The following MTMR6 variants were observed in gnomAD, a reference collection of about 807,000 sequenced individuals.
MTMR6 encodes phosphatidylinositol-3,5-bisphosphate 3-phosphatase MTMR6.
A neutral mutation model predicts 80.1 loss-of-function variants in MTMR6; 47 were observed. The ratio of observed to expected loss-of-function variants is 0.59; its 90% CI spans 0.46 to 0.75. MTMR6 has a LOEUF of 0.75. Among genes scored for constraint, MTMR6 ranks in the 30% least tolerant of loss-of-function variants. MTMR6 has a pLI of 0.00. For missense variants in MTMR6, 629 were observed against 730.9 expected (o/e 0.86, Z 1.61); for synonymous variants, 254 against 253.0 (o/e 1.00, Z -0.04).
intron 1 of MTMR6, among the ~76,000 whole-genome samples, chr13:25,285,388 C>CT (rs1957933430): frequency 1.1e-5 from 1 of 91,654 alleles, no homozygotes; most frequent in African/African-American, 3.5e-5. Context: ...TATTCTTTTC[C>CT]GCCCCCCCCC....
chr13:25,271,584 C>A (rs768361214), intron 2 of MTMR6, among the ~76,000 whole-genome samples: 8 of 152,238 alleles, frequency 5.3e-5, no homozygotes, highest in South Asian at 2.1e-4. Context: ...ATGCCCAAGT[C>A]TCTTCCTCTC....
chr13:25,264,767 A>C (rs991389286), intron 5 of MTMR6, among the ~76,000 whole-genome samples: 1 of 150,510 alleles, frequency 6.6e-6, no homozygotes, highest in Non-Finnish European at 1.5e-5. Flanking sequence ...AAAAAAAAAA[A>C]AAAAAAAAGA....
At chr13:25,272,725 T>C (rs1012810717) in intron 2 of MTMR6, among the ~76,000 whole-genome samples, 3 of 152,186 alleles carry the variant, frequency 2.0e-5, no homozygotes, top group Non-Finnish European at 4.4e-5. Context: ...TGTTAATTCA[T>C]TTAGAATAAT....
At chr13:25,254,107 A>G (rs764233175) in intron 10 of MTMR6, 143 bp from the exon 11 acceptor site, 20 of 890,938 alleles carry the variant, frequency 2.2e-5, no homozygotes, top group Non-Finnish European at 3.2e-5. Context: ...GAAACCATTT[A>G]TGAGTTTTTA....
chr13:25,260,817 C>T, intron 6 of MTMR6: 1 of 351,194 alleles, frequency 2.8e-6, no homozygotes, highest in Middle Eastern at 8.0e-4. Flanking sequence ...GAAATTTGTC[C>T]CAATGATAAA....
At chr13:25,254,483 T>C (rs1308856976) in intron 9 of MTMR6, 49 bp from the exon 10 acceptor site, 5 of 1,194,970 alleles carry the variant, frequency 4.2e-6, no homozygotes, top group South Asian at 2.5e-5. Context: ...TCAATTATTT[T>C]GTTTAGGCTG....
chr13:25,256,789 A>G lies in MTMR6; in HGVS notation c.1095+407T>C, dbSNP rs141193999. Among the ~76,000 whole-genome samples the G allele has an allele frequency of 1.6e-3, 242 of 152,272 alleles. 1 individual carries two copies. The highest frequency in any genetic ancestry group is 5.7e-3 in the African/African-American group (238 of 41,560). ...TTTCCTTCAGAATTTAATTTTAAGT[A>G]CTCTTATTTGTGCATTGTTTTATTA... is the stretch of plus-strand genomic sequence containing the variant. On this transcript the variant is annotated intron_variant, in intron 9 of 13. Transcript: ENST00000381801.
intron 6 of MTMR6, chr13:25,260,690 A>AT: frequency 8.0e-7 from 1 of 1,252,278 alleles, no homozygotes; most frequent in Non-Finnish European, 1.0e-6. Context: ...ATGCGACGCT[A>AT]TAACAAAAAT....
chr13:25,258,821 G>T, intron 6 of MTMR6, 129 bp from the exon 7 acceptor site: 1 of 665,292 alleles, frequency 1.5e-6, no homozygotes, highest in Non-Finnish European at 2.3e-6. Context: ...AACTGAATAA[G>T]CTACCATTCA....
At chr13:25,276,771 T>TCTG (rs1208834052) in intron 1 of MTMR6, among the ~76,000 whole-genome samples, 1 of 152,226 alleles carries the variant, frequency 6.6e-6, no homozygotes. Flanking sequence ...GTTCACACTG[T>TCTG]CTGCTACACA....
In MTMR6 at chr13:25,251,627, T is replaced by A; in HGVS notation, c.1605+22A>T. 1 of 1,448,214 alleles carries A rather than the reference T, an allele frequency of 6.9e-7. No individual in the cohort carries two copies. Among genetic ancestry groups the A allele is most frequent in the Non-Finnish European group, 9.5e-7 (1 of 1,049,084 alleles). The allele number at this position is 1,448,214 out of a possible 1,614,324, so 89.7% of individuals were successfully genotyped here. On this transcript the variant is annotated intron_variant, in intron 13 of 13. Transcript: ENST00000381801. The surrounding 1 kb of genome is among the most constrained non-coding windows in gnomAD (Gnocchi z 4.1). Reference sequence around the variant, plus strand: ...AAACTAATTTCACATTCCAAATATATTAGATACTTCAGAATACTTACAGAT... The same window carrying A: ...AAACTAATTTCACATTCCAAATATAATAGATACTTCAGAATACTTACAGAT...
intron 1 of MTMR6, among the ~76,000 whole-genome samples, chr13:25,280,058 C>T (rs1957812127): frequency 6.6e-6 from 1 of 152,044 alleles, no homozygotes; most frequent in Non-Finnish European, 1.5e-5. Context: ...TAAGCTGTGA[C>T]AGAGAGGAAG....
chr13:25,258,113 A>T (rs1191541598), intron 7 of MTMR6, among the ~76,000 whole-genome samples: 1 of 152,244 alleles, frequency 6.6e-6, no homozygotes, highest in Non-Finnish European at 1.5e-5. Context: ...TTAATTTTTT[A>T]AATTCTATAC....
chr13:25,271,953 C>T (rs1957586899), intron 2 of MTMR6, among the ~76,000 whole-genome samples: 1 of 152,006 alleles, frequency 6.6e-6, no homozygotes, highest in Non-Finnish European at 1.5e-5. Context: ...AAGCTATAGT[C>T]AATAAAACAG....
rs1358556884 is a variant in MTMR6, at chr13:25,273,522, AG to A, written c.141+548del. ...ATTTTTAAAAATTAAAAGGAACAAT[AG>A]GATTTTTTTTTTTTTTTTTTGAGAC... On this transcript the variant is annotated intron_variant, in intron 2 of 13. Transcript: ENST00000381801. 2.4e-4 allele frequency among the ~76,000 whole-genome samples: 35 copies of A among 147,088 alleles called. No homozygotes were observed. In the East Asian group the frequency reaches 6.7e-3, roughly 28 times the overall value.
rs1342462620 is a variant in MTMR6, at chr13:25,246,756, A to G, written c.*2476T>C. Reference sequence around the variant, plus strand: ...TCCCTGCTCTGCTACCCGACCAAATAAATTGAATTTGTTTTAAAAGAGTTC... The same window carrying G: ...TCCCTGCTCTGCTACCCGACCAAATGAATTGAATTTGTTTTAAAAGAGTTC... On this transcript the variant is annotated 3_prime_UTR_variant, in exon 14 of 14. Transcript: ENST00000381801. 1 of 152,692 alleles carries G rather than the reference A, an allele frequency of 6.5e-6. No homozygotes were observed. Among genetic ancestry groups the G allele is most frequent in the Non-Finnish European group, 1.5e-5 (1 of 68,054 alleles). The allele number at this position is 152,692 out of a possible 1,614,324, so 9.5% of individuals were successfully genotyped here.
rs41305032 is a variant in MTMR6, at chr13:25,287,413, G to T, written c.-166C>A. 2.3e-4 allele frequency: 201 copies of T among 863,216 alleles called. No homozygotes were observed. The highest frequency in any genetic ancestry group is 3.4e-4 in the Non-Finnish European group (189 of 548,302). 53.5% of individuals were successfully genotyped at this position (863,216 alleles called of 1,614,324 possible). A position where few individuals can be genotyped will look rare whatever the true frequency, so the allele number is the denominator to read the frequency against. ...TCAACGGCGCAGGTGCAGCCGGTGA[G>T]CGCCGTCTCCTAGAAACACTTCCCC... On this transcript the variant is annotated 5_prime_UTR_variant, in exon 1 of 14. Transcript: ENST00000381801.
chr13:25,266,419 C>T (rs1957454939), intron 3 of MTMR6, 133 bp from the exon 4 acceptor site: 1 of 717,836 alleles, frequency 1.4e-6, no homozygotes, highest in African/African-American at 1.8e-5. Flanking sequence ...TACCTGAATA[C>T]ATTTGATGTT....
rs749413375 is a variant in MTMR6, at chr13:25,253,889, C to G, written c.1221G>C (p.Leu407Phe). The G allele has an allele frequency of 1.9e-5, 30 of 1,614,002 alleles. No individual in the cohort carries two copies. The highest frequency in any genetic ancestry group is 2.5e-5 in the Non-Finnish European group (30 of 1,180,016). The change falls in exon 11 of 14, where the codon TTG (leucine) becomes TTC (phenylalanine). Residue 407 changes from leucine to phenylalanine, a missense_variant. Coordinates refer to ENST00000381801, the MANE Select transcript of MTMR6 (RefSeq NM_004685.5). The stretch of plus-strand genomic sequence containing the variant: ...CAAAGGCTTGTGGAAACTGTTCGGT[C>G]AAATGCCACACACATTCCAAGAACT... ...FTQFLECVWH[L>F]TEQFPQAFEF...
Sources: allele counts gnomAD v4.1 joint callset (sites outside exome capture counted in the v4.1 genomes callset), GRCh38; gene constraint gnomAD v4.1.1; non-coding constraint Gnocchi (gnomAD v3.1); transcripts MANE v1.5; gene names NCBI Gene and HGNC (gene_info 2026-07-23, HGNC 2026-07-21).